The following DDHD1 variants were observed in gnomAD, a reference collection of about 807,000 sequenced individuals.
DDHD1 encodes the protein phospholipase DDHD1.
DDHD1 carries 49 observed loss-of-function variants against 96.4 expected under a neutral mutation model. The ratio of observed to expected loss-of-function variants is 0.51; its 90% confidence interval spans 0.40 to 0.64. The LOEUF is 0.64. DDHD1 is among the 30% of genes least tolerant of loss of function. The pLI, the probability that DDHD1 is intolerant of heterozygous loss-of-function variation, is 0.00. For missense variants in DDHD1, 1,106 were observed against 1,161.2 expected (o/e 0.95, Z 0.69); for synonymous variants, 442 against 446.5 (o/e 0.99, Z 0.13).
chr14:53,142,457 T>C, intron 1 of DDHD1, among the ~76,000 whole-genome samples: 1 of 123,606 alleles, frequency 8.1e-6, no homozygotes, highest in African/African-American at 3.2e-5. Flanking sequence ...CTTGCCGGCA[T>C]GGCAAAAAAA....
At chr14:53,089,106 A>T (rs1173385468) in intron 4 of DDHD1, among the ~76,000 whole-genome samples, 1 of 152,222 alleles carries the variant, frequency 6.6e-6, no homozygotes, top group Non-Finnish European at 1.5e-5. Context: ...TCCAACTTAC[A>T]AGGGATGTGA....
At chr14:53,127,434 G>A (rs28541340) in intron 1 of DDHD1, among the ~76,000 whole-genome samples, 4,704 of 152,204 alleles carry the variant, frequency 0.031, 239 homozygotes, top group African/African-American at 0.1. Context: ...GGTTACAATG[G>A]GGATTAATAA....
At chr14:53,104,205 A>G (rs539234198) in intron 1 of DDHD1, among the ~76,000 whole-genome samples, 8 of 152,178 alleles carry the variant, frequency 5.3e-5, no homozygotes, top group Non-Finnish European at 1.2e-4. Flanking sequence ...GGCCTCCCAA[A>G]GTGCTAGGAT....
chr14:53,139,314 G>A (rs1158351980), intron 1 of DDHD1, among the ~76,000 whole-genome samples: 1 of 152,124 alleles, frequency 6.6e-6, no homozygotes, highest in Non-Finnish European at 1.5e-5. Flanking sequence ...AAGTTAGGGA[G>A]TAAGTTTCAT....
chr14:53,062,131 G>A (rs1421369887), intron 7 of DDHD1, among the ~76,000 whole-genome samples: 2 of 149,150 alleles, frequency 1.3e-5, no homozygotes, highest in African/African-American at 2.5e-5. Context: ...ATGCTGCTCC[G>A]AGTATTGCCA....
At chr14:53,075,026 A>T (rs543567367) in intron 4 of DDHD1, among the ~76,000 whole-genome samples, 1 of 152,274 alleles carries the variant, frequency 6.6e-6, no homozygotes, top group African/African-American at 2.4e-5. Context: ...GCTATTCCCC[A>T]ACCTTTCTCC....
rs1426340134 is a variant in DDHD1 at position 53,042,992 on chromosome 14, T to G, written c.*3776A>C. On this transcript the variant is annotated 3_prime_UTR_variant, in exon 13 of 13. Coordinates refer to ENST00000673822, the MANE Select transcript of DDHD1 (RefSeq NM_001160148.2). ...CCAATCTAATGGATCAAAAAGAAAT[T>G]TGTCTTCTACTACAGACTTTACAGG... 6.6e-6 allele frequency: 1 copy of G among 152,226 alleles called. No individual in the cohort carries two copies. The highest frequency in any genetic ancestry group is 1.5e-5 in the Non-Finnish European group (1 of 68,034). The allele number at this position is 152,226 out of a possible 1,614,324, so 9.4% of individuals were successfully genotyped here.
Position 53,059,863 on chromosome 14 carries a change from CAAAAAAA to C in DDHD1, c.1843-1244_1843-1238del, listed in dbSNP as rs60708379. Among the ~76,000 whole-genome samples, 107 of 18,492 alleles carry C rather than the reference CAAAAAAA, an allele frequency of 5.8e-3. 1 individual carries two copies. The highest frequency in any genetic ancestry group is 0.05 in the Middle Eastern group (1 of 20). The allele number at this position is 18,492 out of a possible 152,430, so 12.1% of individuals were successfully genotyped here. Reference sequence around the variant, plus strand: ...TGGGTGACAGAGCAAGACTCTGTCTCAAAAAAAAAAAAAAAAAAAAAAAAAAGTAATG... The same window carrying C: ...TGGGTGACAGAGCAAGACTCTGTCTCAAAAAAAAAAAAAAAAAAAGTAATG... On this transcript the variant is annotated intron_variant, in intron 8 of 12. Transcript: ENST00000673822.
intron 4 of DDHD1, among the ~76,000 whole-genome samples, chr14:53,083,105 GTTCAAAAAAATAAGTTTCGTTGATA>G (rs1885631829): frequency 6.6e-6 from 1 of 151,894 alleles, no homozygotes; most frequent in Non-Finnish European, 1.5e-5. Context: ...TGTATGTCCT[GTTCAAAAAAATAAGTTTCGTTGATA>G]TTCTTGTCAC....
chr14:53,153,161 A>T lies in DDHD1; in HGVS notation c.-63T>A. On this transcript the variant is annotated 5_prime_UTR_variant, in exon 1 of 13. An upstream open reading frame in the 5' UTR gains an earlier in-frame stop. Transcript: ENST00000673822. ...AGCCGTGACCCCCAGCGCTTCCGCC[A>T]CACATTCAACGCCGCCGCCCTCTCC... is the stretch of plus-strand genomic sequence containing the variant. 3 of 1,247,912 alleles carry T rather than the reference A, an allele frequency of 2.4e-6. No individual in the cohort carries two copies. Among genetic ancestry groups the T allele is most frequent in the Non-Finnish European group, 3.1e-6 (3 of 966,294 alleles). 77.3% of individuals were successfully genotyped at this position (1,247,912 alleles called of 1,614,324 possible).
intron 2 of DDHD1, among the ~76,000 whole-genome samples, chr14:53,100,764 T>C (rs978575766): frequency 1.3e-5 from 2 of 152,220 alleles, no homozygotes; most frequent in African/African-American, 4.8e-5. Context: ...TTAATAAACA[T>C]CCCTGAATAT....
intron 1 of DDHD1, among the ~76,000 whole-genome samples, chr14:53,111,029 G>A (rs576070466): frequency 6.6e-6 from 1 of 152,274 alleles, no homozygotes; most frequent in South Asian, 2.1e-4. Context: ...CAATTGCTAG[G>A]AAGAACGGTC....
chr14:53,046,621 T>A lies in DDHD1; in HGVS notation c.*147A>T, dbSNP rs7148136. The A allele has an allele frequency of 1.1e-3, 532 of 483,940 alleles. 2 individuals are homozygous for A. Among genetic ancestry groups the A allele is most frequent in the African/African-American group, 9.8e-3 (488 of 49,688 alleles). 30.0% of individuals were successfully genotyped at this position (483,940 alleles called of 1,614,324 possible). Reference sequence around the variant, plus strand: ...CAGAACTGAAAACTTCTTTTTTTTTTAAATAAAGTGCTTTTAAATTCAAAT... The same window carrying A: ...CAGAACTGAAAACTTCTTTTTTTTTAAAATAAAGTGCTTTTAAATTCAAAT... On this transcript the variant is annotated 3_prime_UTR_variant, in exon 13 of 13. Coordinates refer to ENST00000673822, the MANE Select transcript of DDHD1 (RefSeq NM_001160148.2).
chr14:53,151,279 A>G (rs10873069), intron 1 of DDHD1, among the ~76,000 whole-genome samples: 116,616 of 152,136 alleles, frequency 0.77, 46,195 homozygotes, highest in East Asian at 0.96. Context: ...GAAGACATCT[A>G]AGTTAGGGCA....
intron 6 of DDHD1, among the ~76,000 whole-genome samples, chr14:53,071,150 T>G (rs1884475550): frequency 6.6e-6 from 1 of 152,156 alleles, no homozygotes; most frequent in East Asian, 1.9e-4. Context: ...AATATCCACT[T>G]TGCAGATAGA....
intron 12 of DDHD1, among the ~76,000 whole-genome samples, chr14:53,047,161 G>A (rs940561678): frequency 6.6e-5 from 10 of 151,918 alleles, no homozygotes; most frequent in Admixed American, 2.0e-4. Context: ...TCCTTTGTAT[G>A]CTAAAGTTAA....
chr14:53,123,562 C>T (rs900209352), intron 1 of DDHD1, among the ~76,000 whole-genome samples: 11 of 152,156 alleles, frequency 7.2e-5, no homozygotes, highest in Admixed American at 6.5e-5. Flanking sequence ...TGAAATACTA[C>T]TATGCACAGT....
chr14:53,091,499 C>T (rs946642113), intron 4 of DDHD1, among the ~76,000 whole-genome samples: 3 of 152,098 alleles, frequency 2.0e-5, no homozygotes, highest in African/African-American at 7.2e-5. Flanking sequence ...CTTCTTCTTG[C>T]TTTCAATGTT....
intron 6 of DDHD1, among the ~76,000 whole-genome samples, chr14:53,071,129 C>A (rs551563785): frequency 6.6e-6 from 1 of 152,170 alleles, no homozygotes; most frequent in South Asian, 2.1e-4. Flanking sequence ...TATGAAGTAG[C>A]TACTTGTTAG....
Sources: gnomAD v4.1 joint callset for allele counts (sites outside exome capture counted in the v4.1 genomes callset) on GRCh38, gnomAD v4.1.1 for gene constraint, MANE v1.5 for transcripts, NCBI Gene and HGNC (gene_info 2026-07-23, HGNC 2026-07-21) for gene names.